Variants in ADAMTS14 observed in about 807,000 individuals in gnomAD.
ADAMTS14 encodes ADAM metallopeptidase with thrombospondin type 1 motif 14.
Under a neutral mutation model 128.6 loss-of-function variants are expected in ADAMTS14, and 100 were observed. That is an observed-to-expected ratio of 0.78 (90% CI 0.66 to 0.92). The LOEUF (loss-of-function observed/expected upper bound fraction) is 0.92. Among genes scored for constraint, ADAMTS14 ranks in the 40% least tolerant of loss-of-function variants. The pLI, the probability that ADAMTS14 is intolerant of heterozygous loss-of-function variation, is 0.00. For synonymous variants in ADAMTS14, 665 were observed against 653.8 expected (o/e 1.02, Z -0.26); for missense variants, 1,562 against 1,658.6 (o/e 0.94, Z 1.01).
In ADAMTS14 at chr10:70,762,312, C is replaced by T. The variant is rs1388709627; in HGVS notation, c.*1459C>T. The T allele has an allele frequency of 6.6e-6, 1 of 152,342 alleles. No homozygotes were observed. The highest frequency in any genetic ancestry group is 1.5e-5 in the Non-Finnish European group (1 of 68,114). 9.4% of individuals were successfully genotyped at this position (152,342 alleles called of 1,614,324 possible). A position where few individuals can be genotyped will look rare whatever the true frequency, so the allele number is the denominator to read the frequency against. Reference sequence around the variant, plus strand: ...CCCTCCCCCTGTTGCCCTCCCCTCCCTGGGATGCTGGGGCACACGCGGAGT... The same window carrying T: ...CCCTCCCCCTGTTGCCCTCCCCTCCTTGGGATGCTGGGGCACACGCGGAGT... On this transcript the variant is annotated 3_prime_UTR_variant, in exon 22 of 22. Transcript: ENST00000373207.
chr10:70,688,120 T>G (rs1840044291), intron 2 of ADAMTS14, among the ~76,000 whole-genome samples: 1 of 41,308 alleles, frequency 2.4e-5, no homozygotes, highest in Admixed American at 2.9e-4. Flanking sequence ...ACGGGGTGGT[T>G]GCCAGGCAGA....
intron 19 of ADAMTS14, among the ~76,000 whole-genome samples, chr10:70,756,818 C>T (rs934519825): frequency 2.6e-5 from 4 of 152,166 alleles, no homozygotes; most frequent in Admixed American, 6.5e-5. Context: ...GGAGCAGGTG[C>T]TAGGTGCCCT....
chr10:70,687,191 C>G (rs1839994741), intron 2 of ADAMTS14, among the ~76,000 whole-genome samples: 1 of 87,882 alleles, frequency 1.1e-5, no homozygotes, highest in Non-Finnish European at 2.4e-5. Flanking sequence ...GGGGGGCTGA[C>G]CCCCCCCACC....
chr10:70,705,295 T>C (rs1324111609), intron 3 of ADAMTS14, among the ~76,000 whole-genome samples: 2 of 152,098 alleles, frequency 1.3e-5, no homozygotes, highest in Non-Finnish European at 2.9e-5. Context: ...TCCTATTTAA[T>C]CCATGGTCCT....
intron 9 of ADAMTS14, 37 bp from the exon 10 acceptor site, chr10:70,736,643 C>A: frequency 6.3e-7 from 1 of 1,588,888 alleles, no homozygotes; most frequent in Non-Finnish European, 8.6e-7. Context: ...GACAAAGAGC[C>A]AGTCCAGTCT....
intron 2 of ADAMTS14, among the ~76,000 whole-genome samples, chr10:70,685,018 C>T (rs954386946): frequency 8.5e-5 from 13 of 152,252 alleles, no homozygotes; most frequent in African/African-American, 1.4e-4. Flanking sequence ...GCGGCTCCTC[C>T]GGAGCAGAGC....
chr10:70,708,533 CA>C, intron 3 of ADAMTS14, 54 bp from the exon 4 acceptor site: 1 of 1,506,198 alleles, frequency 6.6e-7, no homozygotes, highest in Non-Finnish European at 9.1e-7. Context: ...GGCAATGTCA[CA>C]GTGACAGCCC....
chr10:70,692,576 T>C (rs1199707532), intron 2 of ADAMTS14, among the ~76,000 whole-genome samples: 3 of 152,244 alleles, frequency 2.0e-5, no homozygotes, highest in African/African-American at 4.8e-5. Context: ...TCTGTGTTCA[T>C]TGTGGTAGGC....
intron 2 of ADAMTS14, among the ~76,000 whole-genome samples, chr10:70,683,828 C>T (rs1246741488): frequency 6.6e-6 from 1 of 152,070 alleles, no homozygotes; most frequent in African/African-American, 2.4e-5. Flanking sequence ...CGCGCGGCCT[C>T]AGTTCTCTCT....
chr10:70,760,362 G>T lies in ADAMTS14; in HGVS notation c.3181G>T (p.Glu1061Ter). ...LHPINKISSTEPCTGDRSVFC... is the reference protein window; with the variant it reads ...LHPINKISST Reference sequence around the variant, plus strand: ...TTGTCCTTGTGCTGTGTGTGCAGCGGAGCCCTGCACGGGAGACAGGTCTGT... The same window carrying T: ...TTGTCCTTGTGCTGTGTGTGCAGCGTAGCCCTGCACGGGAGACAGGTCTGT... The change falls in exon 22 of 22, where the codon GAG (glutamate) becomes TAG (stop). Residue 1061 changes from glutamate to a stop codon, truncating the protein, a stop_gained and splice_region_variant. Coordinates refer to ENST00000373207, the MANE Select transcript of ADAMTS14 (RefSeq NM_080722.4). LOFTEE classifies it low-confidence loss of function (END_TRUNC). The T allele has an allele frequency of 6.4e-7, 1 of 1,559,588 alleles. No individual in the cohort carries two copies.
rs144872665 is a variant in ADAMTS14, at chr10:70,741,780, G to T, written c.1924+618G>T. On this transcript the variant is annotated intron_variant, in intron 12 of 21. Coordinates refer to ENST00000373207, the MANE Select transcript of ADAMTS14 (RefSeq NM_080722.4). ...GAGTCTGAATTTGGGGACCATAGTG[G>T]TGCCAGTTCCCATCTATTTTTGAGT... is the stretch of plus-strand genomic sequence containing the variant. Among the ~76,000 whole-genome samples the T allele has an allele frequency of 3.3e-3, 504 of 152,298 alleles. 1 individual carries two copies. Among genetic ancestry groups the T allele is most frequent in the African/African-American group, 0.011 (471 of 41,560 alleles).
In ADAMTS14 at chr10:70,761,025, G is replaced by A. The variant is rs1842602136; in HGVS notation, c.*172G>A. The stretch of plus-strand genomic sequence containing the variant: ...CTTTACCCCACAAAGCGGGGTGGGA[G>A]GAAGACAAAGATCAGGGAAAGCCCT... On this transcript the variant is annotated 3_prime_UTR_variant, in exon 22 of 22. Transcript: ENST00000373207. 9.9e-7 allele frequency: 1 copy of A among 1,012,816 alleles called. No homozygotes were observed. The highest frequency in any genetic ancestry group is 1.6e-5 in the African/African-American group (1 of 61,968). 62.7% of individuals were successfully genotyped at this position (1,012,816 alleles called of 1,614,324 possible). A position where few individuals can be genotyped will look rare whatever the true frequency, so the allele number is the denominator to read the frequency against.
chr10:70,694,162 C>T (rs1187674342), intron 2 of ADAMTS14, among the ~76,000 whole-genome samples: 1 of 152,238 alleles, frequency 6.6e-6, no homozygotes, highest in Non-Finnish European at 1.5e-5. Flanking sequence ...GGCAGGCTTT[C>T]ATCCCAGCCT....
intron 2 of ADAMTS14, among the ~76,000 whole-genome samples, chr10:70,698,322 A>C (rs912293748): frequency 2.6e-5 from 4 of 152,212 alleles, no homozygotes; most frequent in Non-Finnish European, 4.4e-5. Context: ...ACATTCAATA[A>C]ATTGAGAGAC....
rs1320939921 is a variant in ADAMTS14 at position 70,751,658 on chromosome 10, C to G, written c.2596+12C>G. On this transcript the variant is annotated intron_variant, in intron 17 of 21. Transcript: ENST00000373207. The stretch of plus-strand genomic sequence containing the variant: ...GGCCTGTGGAGGAGGTACCGGTTCC[C>G]TGACCCGCCAGTGCTTTGTTGGGGC... The G allele has an allele frequency of 6.3e-7, 1 of 1,596,870 alleles. No homozygotes were observed. The highest frequency in any genetic ancestry group is 8.6e-7 in the Non-Finnish European group (1 of 1,166,060).
At chr10:70,735,034 A>G (rs1841779530) in intron 8 of ADAMTS14, 135 bp from the exon 9 acceptor site, 3 of 1,167,532 alleles carry the variant, frequency 2.6e-6, no homozygotes, top group Non-Finnish European at 3.5e-6. Context: ...CCTCCCTGGA[A>G]GAGACAGCGC....
intron 19 of ADAMTS14, among the ~76,000 whole-genome samples, chr10:70,754,641 A>G (rs2541227): frequency 0.68 from 103,787 of 151,950 alleles, 36,990 homozygotes; most frequent in East Asian, 0.9. Context: ...TGGGAGGGAT[A>G]GGGGCTGCGA....
intron 3 of ADAMTS14, among the ~76,000 whole-genome samples, chr10:70,703,077 A>C (rs765555473): frequency 6.6e-6 from 1 of 152,208 alleles, no homozygotes; most frequent in East Asian, 1.9e-4. Context: ...AGGGCTTGGC[A>C]TGTAGTAGGT....
chr10:70,759,720 G>C (rs1042305951), intron 21 of ADAMTS14, among the ~76,000 whole-genome samples: 6 of 152,184 alleles, frequency 3.9e-5, no homozygotes, highest in African/African-American at 7.2e-5. Context: ...ACTGTGGCAG[G>C]ATGGTCAGTC....
Sources: allele counts gnomAD v4.1 joint callset (sites outside exome capture counted in the v4.1 genomes callset), GRCh38; gene constraint gnomAD v4.1.1; transcripts MANE v1.5; gene names NCBI Gene and HGNC (gene_info 2026-07-23, HGNC 2026-07-21).